Variants in NMNAT2 observed in about 807,000 individuals in gnomAD.
The protein encoded by NMNAT2 is nicotinamide nucleotide adenylyltransferase 2.
NMNAT2 carries 11 observed loss-of-function variants against 41.6 expected under a neutral mutation model. That is an observed-to-expected ratio of 0.26 (90% confidence interval 0.17 to 0.44). The LOEUF is 0.44. Among genes scored for constraint, NMNAT2 ranks in the 20% least tolerant of loss-of-function variants. NMNAT2 has a pLI of 1.00. For synonymous variants in NMNAT2, 148 were observed against 151.2 expected, an observed-to-expected ratio of 0.98 and a Z score of 0.16; for missense variants, 288 against 407.7, an observed-to-expected ratio of 0.71 and a Z score of 2.53.
At chr1:183,348,630 A>G (rs1662982791) in intron 1 of NMNAT2, among the ~76,000 whole-genome samples, 2 of 152,198 alleles carry the variant, frequency 1.3e-5, no homozygotes, top group African/African-American at 4.8e-5. Context: ...TTGCTGGAAC[A>G]AAAGTTCTTT....
chr1:183,257,582 C>T (rs1358445268), intron 10 of NMNAT2, among the ~76,000 whole-genome samples: 1 of 152,202 alleles, frequency 6.6e-6, no homozygotes, highest in Non-Finnish European at 1.5e-5. Context: ...TCAGGCTATT[C>T]CTGATTCAAT....
At chr1:183,393,353 C>T (rs78497067) in intron 1 of NMNAT2, among the ~76,000 whole-genome samples, 105 of 152,128 alleles carry the variant, frequency 6.9e-4, no homozygotes, top group Non-Finnish European at 1.3e-3. Flanking sequence ...GGATGCTAAG[C>T]CTCAGAATGG....
intron 1 of NMNAT2, among the ~76,000 whole-genome samples, chr1:183,299,436 G>T (rs1416613899): frequency 1.3e-5 from 2 of 152,112 alleles, no homozygotes; most frequent in Non-Finnish European, 2.9e-5. Flanking sequence ...AATTTGGATG[G>T]ATCTTTAGTT....
chr1:183,344,437 C>T (rs1224779739), intron 1 of NMNAT2, among the ~76,000 whole-genome samples: 2 of 152,146 alleles, frequency 1.3e-5, no homozygotes, highest in East Asian at 1.9e-4. Flanking sequence ...ATAGCACATG[C>T]CTGATATCCA....
In NMNAT2 at chr1:183,300,200, G is replaced by A. The variant is rs377428771; in HGVS notation, c.86-6407C>T. On this transcript the variant is annotated intron_variant, in intron 1 of 10. Transcript: ENST00000287713. The stretch of plus-strand genomic sequence containing the variant: ...GGGCGTATCATGAGGTCAGGAGTTC[G>A]AGACCAGCCCGGCCAATATGGTGAA... Among the ~76,000 whole-genome samples the A allele has an allele frequency of 9.2e-5, 14 of 152,164 alleles. No individual in the cohort carries two copies. The East Asian group carries it at 1.4e-3, about 15-fold the overall frequency.
intron 1 of NMNAT2, among the ~76,000 whole-genome samples, chr1:183,347,195 C>G (rs997845742): frequency 6.6e-6 from 1 of 152,156 alleles, no homozygotes; most frequent in Non-Finnish European, 1.5e-5. Flanking sequence ...CGGTTCACGC[C>G]TGTAATCCCA....
intron 1 of NMNAT2, among the ~76,000 whole-genome samples, chr1:183,320,054 G>T (rs1662327494): frequency 6.6e-6 from 1 of 152,202 alleles, no homozygotes; most frequent in Non-Finnish European, 1.5e-5. Context: ...ACCAGACAAG[G>T]TGAATTGATT....
At chr1:183,327,479 C>T (rs188888693) in intron 1 of NMNAT2, among the ~76,000 whole-genome samples, 1 of 152,288 alleles carries the variant, frequency 6.6e-6, no homozygotes, top group Non-Finnish European at 1.5e-5. Flanking sequence ...GCCAAAAGGG[C>T]CATATTTGCA....
At chr1:183,276,778 C>T (rs1051820780) in intron 8 of NMNAT2, among the ~76,000 whole-genome samples, 4 of 152,210 alleles carry the variant, frequency 2.6e-5, no homozygotes, top group African/African-American at 4.8e-5. Flanking sequence ...GAACTTTGCC[C>T]GCATTACTTT....
At chr1:183,315,592 G>A (rs2102326843) in intron 1 of NMNAT2, among the ~76,000 whole-genome samples, 1 of 152,136 alleles carries the variant, frequency 6.6e-6, no homozygotes, top group Middle Eastern at 3.4e-3. Flanking sequence ...GACCAGCCTG[G>A]CCAAGATGGT....
intron 3 of NMNAT2, among the ~76,000 whole-genome samples, chr1:183,291,243 G>A (rs1661532634): frequency 6.6e-6 from 1 of 152,020 alleles, no homozygotes; most frequent in African/African-American, 2.4e-5. Flanking sequence ...TAGCAGTCAT[G>A]CATCCCCTTA....
chr1:183,317,337 T>TA (rs1662275075), intron 1 of NMNAT2, among the ~76,000 whole-genome samples: 1 of 152,230 alleles, frequency 6.6e-6, no homozygotes, highest in Non-Finnish European at 1.5e-5. Context: ...GTACAGTGGC[T>TA]ACCTCCTGGC....
intron 1 of NMNAT2, among the ~76,000 whole-genome samples, chr1:183,319,582 A>G (rs1027634996): frequency 1.8e-4 from 28 of 152,162 alleles, no homozygotes; most frequent in African/African-American, 6.5e-4. Context: ...TCCACTTGCC[A>G]TGGTGACAGT....
intron 1 of NMNAT2, among the ~76,000 whole-genome samples, chr1:183,324,421 G>A (rs1662418720): frequency 6.6e-6 from 1 of 152,154 alleles, no homozygotes; most frequent in African/African-American, 2.4e-5. Flanking sequence ...TTTGAAGTGG[G>A]AAATTTCCCA....
At chr1:183,404,991 T>C (rs903952872) in intron 1 of NMNAT2, among the ~76,000 whole-genome samples, 4 of 151,938 alleles carry the variant, frequency 2.6e-5, no homozygotes, top group Admixed American at 2.6e-4. Flanking sequence ...GAGGACGAGG[T>C]GGGATGATCA....
chr1:183,288,620 C>T (rs1281285590), intron 4 of NMNAT2, among the ~76,000 whole-genome samples: 1 of 152,196 alleles, frequency 6.6e-6, no homozygotes, highest in African/African-American at 2.4e-5. Flanking sequence ...CTGAGGAATG[C>T]CTGCAGGGTC....
Position 183,251,024 on chromosome 1 carries a change from C to T in NMNAT2, c.*1617G>A, listed in dbSNP as rs1307438860. Reference sequence around the variant, plus strand: ...GAGACTGGATGAGAGACACAAAGCACAAGACAGCAATTTCCTTATGGCTCT... The same window carrying T: ...GAGACTGGATGAGAGACACAAAGCATAAGACAGCAATTTCCTTATGGCTCT... On this transcript the variant is annotated 3_prime_UTR_variant, in exon 11 of 11. Transcript: ENST00000287713. The T allele has an allele frequency of 6.6e-6, 1 of 152,148 alleles. No individual in the cohort carries two copies. Among genetic ancestry groups the T allele is most frequent in the Non-Finnish European group, 1.5e-5 (1 of 68,046 alleles). The allele number at this position is 152,148 out of a possible 1,614,324, so 9.4% of individuals were successfully genotyped here.
intron 1 of NMNAT2, among the ~76,000 whole-genome samples, chr1:183,405,080 C>A (rs1056289745): frequency 6.6e-6 from 1 of 151,986 alleles, no homozygotes; most frequent in African/African-American, 2.4e-5. Flanking sequence ...ATTAGCCAGG[C>A]GCGGTTGAAT....
Position 183,252,418 on chromosome 1 carries a change from C to T in NMNAT2, c.*223G>A, listed in dbSNP as rs1660412601. ...ACTTCCCCCGACTCCCACCCCATTC[C>T]CTCACCCACCCCCAACCCGGAGACT... On this transcript the variant is annotated 3_prime_UTR_variant, in exon 11 of 11. Coordinates refer to ENST00000287713, the MANE Select transcript of NMNAT2 (RefSeq NM_015039.4). The T allele has an allele frequency of 2.0e-6, 1 of 493,444 alleles. No homozygotes were observed. 30.6% of individuals were successfully genotyped at this position (493,444 alleles called of 1,614,324 possible).
Sources: allele counts gnomAD v4.1 joint callset (sites outside exome capture counted in the v4.1 genomes callset), GRCh38; gene constraint gnomAD v4.1.1; transcripts MANE v1.5; gene names NCBI Gene and HGNC (gene_info 2026-07-23, HGNC 2026-07-21).